Variants in FAM53A observed in about 807,000 individuals in gnomAD.
FAM53A encodes protein FAM53A.
Under a neutral mutation model 26.6 loss-of-function variants are expected in FAM53A, and 28 were observed. That is an observed-to-expected ratio of 1.05 (90% CI 0.78 to 1.45). The LOEUF is 1.45. Ranked by LOEUF, FAM53A falls within the 40% of genes most tolerant of loss-of-function variation. The pLI, the probability that FAM53A is intolerant of heterozygous loss-of-function variation, is 0.00. For synonymous variants in FAM53A, 290 were observed against 253.1 expected, an observed-to-expected ratio of 1.15 and a Z score of -1.38; for missense variants, 650 against 575.8, an observed-to-expected ratio of 1.13 and a Z score of -1.32.
chr4:1,578,857 G>A, the FAM53A span, among the ~76,000 whole-genome samples: 1 of 34,928 alleles, frequency 2.9e-5, no homozygotes, highest in East Asian at 1.7e-3. Flanking sequence ...GGGGAGAGAA[G>A]AGGGGGAGGG....
chr4:1,626,049 G>T (rs2108757669), intron 1 of FAM53A, among the ~76,000 whole-genome samples: 1 of 152,288 alleles, frequency 6.6e-6, no homozygotes, highest in South Asian at 2.1e-4. Flanking sequence ...ACTCGGTGTG[G>T]CTGCCTGCCA....
At chr4:1,644,483 C>A (rs1712059990) in intron 4 of FAM53A, 2 of 1,084,408 alleles carry the variant, frequency 1.8e-6, no homozygotes, top group Non-Finnish European at 1.3e-6. Context: ...ACTGAAGGGG[C>A]CACCCACGCT....
chr4:1,664,404 A>G (rs1258058125), intron 2 of FAM53A, among the ~76,000 whole-genome samples: 1 of 152,214 alleles, frequency 6.6e-6, no homozygotes, highest in East Asian at 1.9e-4. Context: ...ATACTTCCAC[A>G]CAGAACCTCA....
At position 1,645,194 on chromosome 4, in the gene FAM53A, A is replaced by G. The variant is rs556019178; in HGVS notation, c.883-3587T>C. ...GAGCCAAGCACCTCCCTCCTGCCAC[A>G]GGGAGGCACAGGCCGGCCAAGCCAC... On this transcript the variant is annotated intron_variant, in intron 4 of 4. Transcript: ENST00000308132. Among the ~76,000 whole-genome samples, 1,338 of 140,242 alleles carry G rather than the reference A, an allele frequency of 9.5e-3. 9 individuals are homozygous for G. The highest frequency in any genetic ancestry group is 0.016 in the Non-Finnish European group (1,007 of 62,282). 92.0% of individuals were successfully genotyped at this position (140,242 alleles called of 152,430 possible). A position where few individuals can be genotyped will look rare whatever the true frequency, so the allele number is the denominator to read the frequency against.
the FAM53A span, among the ~76,000 whole-genome samples, chr4:1,611,287 C>T: frequency 6.6e-6 from 1 of 152,064 alleles, no homozygotes; most frequent in East Asian, 1.9e-4. Flanking sequence ...GTCCGTGGGC[C>T]CTGAGAGACA....
At chr4:1,618,649 T>C (rs1300252688) in intron 1 of FAM53A, among the ~76,000 whole-genome samples, 4 of 152,158 alleles carry the variant, frequency 2.6e-5, no homozygotes, top group African/African-American at 9.7e-5. Context: ...CCGCCAAAGA[T>C]GCCTTTCCCT....
the FAM53A span, among the ~76,000 whole-genome samples, chr4:1,579,870 C>T: frequency 6.6e-6 from 1 of 152,204 alleles, no homozygotes; most frequent in African/African-American, 2.4e-5. Context: ...CCCATCAGGC[C>T]TCGCCGTAAA....
chr4:1,610,590 G>T, the FAM53A span, among the ~76,000 whole-genome samples: 1 of 152,032 alleles, frequency 6.6e-6, no homozygotes, highest in African/African-American at 2.4e-5. Flanking sequence ...GGTGGCCTGG[G>T]GTGGAGAGAC....
the FAM53A span, among the ~76,000 whole-genome samples, chr4:1,609,843 A>G: frequency 1.1e-4 from 16 of 152,092 alleles, no homozygotes; most frequent in South Asian, 2.1e-4. Context: ...GGCGCCTGTA[A>G]TCCCAGCTAC....
At chr4:1,667,127 CAAA>C (rs570780273) in intron 2 of FAM53A, among the ~76,000 whole-genome samples, 1 of 130,228 alleles carries the variant, frequency 7.7e-6, no homozygotes, top group African/African-American at 2.9e-5. Flanking sequence ...GACTCCATCT[CAAA>C]AAAAAAAAAA....
the FAM53A span, among the ~76,000 whole-genome samples, chr4:1,605,515 G>T: frequency 6.6e-6 from 1 of 152,210 alleles, no homozygotes; most frequent in Non-Finnish European, 1.5e-5. This position sits in a 1 kb window ranked among gnomAD's most constrained non-coding sequence, Gnocchi z 5.7. Flanking sequence ...ATGAGCGTGA[G>T]GGAGGGGACG....
At chr4:1,616,730 ACTGTTGCCTGCTT>A (rs1714823472), downstream of FAM53A, among the ~76,000 whole-genome samples, 1 of 152,232 alleles carries the variant, frequency 6.6e-6, no homozygotes, top group African/African-American at 2.4e-5. Flanking sequence ...TGACAGTCAC[ACTGTTGCCTGCTT>A]CGGTCTGTCC....
intron 1 of FAM53A, among the ~76,000 whole-genome samples, chr4:1,681,341 AC>A (rs933177657): frequency 4.6e-5 from 7 of 151,908 alleles, no homozygotes; most frequent in Non-Finnish European, 7.4e-5. Flanking sequence ...CAGGTGACCT[AC>A]CCACCTTGTA....
At chr4:1,608,037 G>C in the FAM53A span, among the ~76,000 whole-genome samples, 1 of 151,930 alleles carries the variant, frequency 6.6e-6, no homozygotes, top group Non-Finnish European at 1.5e-5. Context: ...ACTTGAACCC[G>C]GGAGGCGGAG....
the FAM53A span, among the ~76,000 whole-genome samples, chr4:1,586,397 G>A: frequency 6.6e-6 from 1 of 151,854 alleles, no homozygotes; most frequent in Non-Finnish European, 1.5e-5. Context: ...GTTTCATCAT[G>A]TTGGCCAGGC....
At chr4:1,645,774 C>G (rs537676951) in intron 4 of FAM53A, among the ~76,000 whole-genome samples, 49 of 152,348 alleles carry the variant, frequency 3.2e-4, no homozygotes, top group African/African-American at 1.0e-3. Flanking sequence ...TCTGAGAAAA[C>G]AAGCAAGAAA....
At chr4:1,590,391 C>A in the FAM53A span, among the ~76,000 whole-genome samples, 1 of 152,082 alleles carries the variant, frequency 6.6e-6, no homozygotes, top group African/African-American at 2.4e-5. Flanking sequence ...TAAGAAAGCC[C>A]GGGTGCTCCC....
intron 1 of FAM53A, among the ~76,000 whole-genome samples, chr4:1,627,972 T>C (rs1418100146): frequency 1.4e-5 from 2 of 139,868 alleles, no homozygotes; most frequent in African/African-American, 5.5e-5. Context: ...CATCCAGTGA[T>C]GAGGCTGAGA....
rs554586236 is a variant in FAM53A at position 1,644,676 on chromosome 4, C to A, written c.883-3069G>T. 8.2e-5 allele frequency: 21 copies of A among 255,408 alleles called. 1 individual carries two copies. The highest frequency in any genetic ancestry group is 3.4e-4 in the South Asian group (4 of 11,640). The allele number at this position is 255,408 out of a possible 1,614,324, so 15.8% of individuals were successfully genotyped here. A position where few individuals can be genotyped will look rare whatever the true frequency, so the allele number is the denominator to read the frequency against. ...AAACACAAAACAGTTGTCCAAAACA[C>A]AAAGGTCAAGCCTTCAAGTTCCAAA... is the stretch of plus-strand genomic sequence containing the variant. On this transcript the variant is annotated intron_variant, in intron 4 of 4. Coordinates refer to ENST00000308132, the MANE Select transcript of FAM53A (RefSeq NM_001174070.3).
Sources: allele counts gnomAD v4.1 joint callset (sites outside exome capture counted in the v4.1 genomes callset), GRCh38; gene constraint gnomAD v4.1.1; non-coding constraint Gnocchi (gnomAD v3.1); transcripts MANE v1.5; gene names NCBI Gene and HGNC (gene_info 2026-07-23, HGNC 2026-07-21).